RAB27B: variants seen among roughly 807,000 people sequenced by gnomAD.
RAB27B encodes the protein RAB27B, member RAS oncogene family.
RAB27B carries 15 observed loss-of-function variants against 24.6 expected under a neutral mutation model. The ratio of observed to expected loss-of-function variants is 0.61; its 90% CI spans 0.41 to 0.94. The LOEUF (loss-of-function observed/expected upper bound fraction) is 0.94, where lower values mean the gene tolerates loss of function less well. Ranked by LOEUF, RAB27B falls within the 40% of genes least tolerant of loss-of-function variation. RAB27B has a pLI of 0.00. For missense variants in RAB27B, 261 were observed against 266.8 expected, an observed-to-expected ratio of 0.98 and a Z score of 0.15; for synonymous variants, 105 against 92.5, an observed-to-expected ratio of 1.14 and a Z score of -0.78.
Position 54,889,258 on chromosome 18 carries a change from CAGAATGTGGAGAAAGCTGT to C in RAB27B, c.507_525del (p.Asn169LysfsTer6). 1 of 1,611,312 alleles carries C rather than the reference CAGAATGTGGAGAAAGCTGT, an allele frequency of 6.2e-7. No homozygotes were observed. Among genetic ancestry groups the C allele is most frequent in the Non-Finnish European group, 8.5e-7 (1 of 1,178,702 alleles). On this transcript the variant is annotated frameshift_variant, in exon 6 of 6. Transcript: ENST00000262094. LOFTEE classifies it high-confidence loss of function. ...TTTTGAAACAAGTGCAGCAACTGGACAGAATGTGGAGAAAGCTGTAGAAACCCTTTTGGACTTAATCATG... is the reference window on the plus strand; with the variant it reads ...TTTTGAAACAAGTGCAGCAACTGGACAGAAACCCTTTTGGACTTAATCATG...
chr18:54,830,189 C>T (rs1910620711), intron 1 of RAB27B, among the ~76,000 whole-genome samples: 1 of 152,134 alleles, frequency 6.6e-6, no homozygotes, highest in Non-Finnish European at 1.5e-5. Context: ...TATAATTGAT[C>T]TTCTTGGTAG....
At chr18:54,737,427 CAG>C (rs139862069) in intron 2 of RAB27B, among the ~76,000 whole-genome samples, 9,722 of 152,188 alleles carry the variant, frequency 0.064, 393 homozygotes, top group African/African-American at 0.092. Flanking sequence ...AATTTGATTG[CAG>C]AGTTTTATAT....
At chr18:54,859,486 CAA>C (rs200377089) in intron 1 of RAB27B, among the ~76,000 whole-genome samples, 27,985 of 141,026 alleles carry the variant, frequency 0.2, 2,755 homozygotes, top group East Asian at 0.31. Context: ...TTCAATTAAC[CAA>C]AAAAAAAAAA....
chr18:54,848,182 C>T (rs1911414400), intron 1 of RAB27B, among the ~76,000 whole-genome samples: 2 of 152,146 alleles, frequency 1.3e-5, no homozygotes, highest in Admixed American at 1.3e-4. Context: ...TCATGATGTA[C>T]AGAGAAACCT....
chr18:54,722,023 C>T (rs1909375369), intron 2 of RAB27B, among the ~76,000 whole-genome samples: 1 of 152,130 alleles, frequency 6.6e-6, no homozygotes, highest in African/African-American at 2.4e-5. Flanking sequence ...TTTCATAAAA[C>T]GTTATAGAAT....
At chr18:54,777,969 A>G (rs1908769122) in intron 2 of RAB27B, among the ~76,000 whole-genome samples, 1 of 152,208 alleles carries the variant, frequency 6.6e-6, no homozygotes, top group East Asian at 1.9e-4. Context: ...ATTGTCAGGC[A>G]ATGAAAACTT....
intron 2 of RAB27B, among the ~76,000 whole-genome samples, chr18:54,783,365 C>T (rs1343910701): frequency 6.6e-6 from 1 of 152,042 alleles, no homozygotes; most frequent in Non-Finnish European, 1.5e-5. Flanking sequence ...TATCACCTCC[C>T]CTACTGTGAT....
At chr18:54,879,589 G>A in intron 3 of RAB27B, 135 bp downstream of exon 3, 1 of 729,208 alleles carries the variant, frequency 1.4e-6, no homozygotes, top group Non-Finnish European at 2.3e-6. Context: ...TTTGTATCCA[G>A]AAATAAAAAT....
intron 2 of RAB27B, among the ~76,000 whole-genome samples, chr18:54,816,662 T>A (rs1910131048): frequency 6.6e-6 from 1 of 152,196 alleles, no homozygotes; most frequent in Non-Finnish European, 1.5e-5. Context: ...TTCCAAGTGT[T>A]AAAATATCTT....
intron 2 of RAB27B, among the ~76,000 whole-genome samples, chr18:54,817,248 G>A (rs896297351): frequency 2.0e-5 from 3 of 152,152 alleles, no homozygotes; most frequent in African/African-American, 7.2e-5. Context: ...AGCAGAATGA[G>A]TTATTTTAAA....
In RAB27B at chr18:54,805,522, A is replaced by G. The variant is rs189027151; in HGVS notation, c.-19-72045A>G. 1.0e-3 allele frequency among the ~76,000 whole-genome samples: 155 copies of G among 152,326 alleles called. 1 individual carries two copies. Among genetic ancestry groups the G allele is most frequent in the African/African-American group, 3.3e-3 (136 of 41,576 alleles). On this transcript the variant is annotated intron_variant, in intron 2 of 4. Coordinates refer to the RAB27B transcript ENST00000586570. ...AATGTTCACAACAATAAATGGTGGT[A>G]ATTTTCTCTATATACTTAGAGAATT...
intron 2 of RAB27B, among the ~76,000 whole-genome samples, chr18:54,796,821 C>T (rs1158359231): frequency 6.6e-6 from 1 of 152,100 alleles, no homozygotes; most frequent in African/African-American, 2.4e-5. Flanking sequence ...GAGGGTGGAC[C>T]CCTAGACTGG....
At chr18:54,757,950 A>G (rs1016790159) in intron 2 of RAB27B, among the ~76,000 whole-genome samples, 1 of 152,126 alleles carries the variant, frequency 6.6e-6, no homozygotes, top group African/African-American at 2.4e-5. Flanking sequence ...TTATTAGTAA[A>G]TTATCTGGCA....
chr18:54,788,902 G>A (rs767464169), intron 2 of RAB27B, among the ~76,000 whole-genome samples: 21 of 152,290 alleles, frequency 1.4e-4, no homozygotes, highest in Admixed American at 2.0e-4. Flanking sequence ...AAGGAACTTG[G>A]TAGCACAGGA....
intron 2 of RAB27B, among the ~76,000 whole-genome samples, chr18:54,776,800 C>G (rs9944929): frequency 1.3e-5 from 2 of 152,204 alleles, no homozygotes; most frequent in African/African-American, 4.8e-5. Context: ...CAGGCATGCC[C>G]GTAATCCCAG....
At chr18:54,867,542 G>A (rs1912290289) in intron 1 of RAB27B, among the ~76,000 whole-genome samples, 1 of 150,554 alleles carries the variant, frequency 6.6e-6, no homozygotes, top group African/African-American at 2.4e-5. Context: ...CGCCTCTTGG[G>A]TTCAAGCGAT....
chr18:54,800,259 A>G (rs1211230778), intron 2 of RAB27B, among the ~76,000 whole-genome samples: 1 of 152,230 alleles, frequency 6.6e-6, no homozygotes, highest in Admixed American at 6.5e-5. Context: ...ATTATTTGCT[A>G]TTATAAACCA....
In RAB27B at chr18:54,894,471, A is replaced by C. The variant is rs370599111; in HGVS notation, c.*5058A>C. 8.5e-5 allele frequency: 13 copies of C among 152,144 alleles called. 1 individual carries two copies. In the East Asian group the frequency reaches 9.7e-4, roughly 11 times the overall value. The allele number at this position is 152,144 out of a possible 1,614,324, so 9.4% of individuals were successfully genotyped here. A position where few individuals can be genotyped will look rare whatever the true frequency, so the allele number is the denominator to read the frequency against. On this transcript the variant is annotated 3_prime_UTR_variant, in exon 6 of 6. Coordinates refer to ENST00000262094, the MANE Select transcript of RAB27B (RefSeq NM_004163.4). ...CTGTCTTTATGTCTGTTGGCATATCAAAATGGTTTCTGTTCCTAGAAAAGT... is the reference window on the plus strand; with the variant it reads ...CTGTCTTTATGTCTGTTGGCATATCCAAATGGTTTCTGTTCCTAGAAAAGT...
rs1911814056 is a variant in RAB27B at position 54,857,098 on chromosome 18, CAG to C, written c.-19-20463_-19-20462del. ...ACTCATTTTTATCAAAGTCAGGAACCAGAGAGACCATTAACGATATACAGTTC... is the reference window on the plus strand; with the variant it reads ...ACTCATTTTTATCAAAGTCAGGAACCAGAGACCATTAACGATATACAGTTC... On this transcript the variant is annotated intron_variant, in intron 1 of 5. Transcript: ENST00000262094. Among the ~76,000 whole-genome samples the C allele has an allele frequency of 2.6e-5, 4 of 152,262 alleles. 1 individual carries two copies. The highest frequency in any genetic ancestry group is 2.6e-4 in the Admixed American group (4 of 15,286).
Sources: gnomAD v4.1 joint callset for allele counts (sites outside exome capture counted in the v4.1 genomes callset) on GRCh38, gnomAD v4.1.1 for gene constraint, MANE v1.5 for transcripts, NCBI Gene and HGNC (gene_info 2026-07-23, HGNC 2026-07-21) for gene names.